Variants in ASTE1 observed in about 807,000 individuals in gnomAD.
The protein encoded by ASTE1 is asteroid structure-specific endonuclease 1, also known as single-strand DNA endonuclease ASTE1.
ASTE1 carries 49 observed loss-of-function variants against 45.8 expected under a neutral mutation model. The observed-to-expected ratio is 1.07, with a 90% CI of 0.85 to 1.36. The LOEUF is 1.36. Among genes scored for constraint, ASTE1 ranks in the 40% most tolerant of loss-of-function variants. The pLI is 0.00. For missense variants in ASTE1, 709 were observed against 804.0 expected (o/e 0.88, Z 1.43); for synonymous variants, 296 against 303.9 (o/e 0.97, Z 0.27).
rs200283943 is a variant in ASTE1 at position 131,016,299 on chromosome 3, A to G, written c.1554T>C (p.Tyr518=). The G allele has an allele frequency of 3.2e-4, 517 of 1,614,088 alleles. 1 individual carries two copies. Among genetic ancestry groups the G allele is most frequent in the Non-Finnish European group, 1.6e-4 (183 of 1,180,048 alleles). ...ELQEDGAKML[Y]AEFQRVKAQT... ...GCGCCTTCACTCTTTGGAACTCTGC[A>G]TACAACATCTTAGCACCATCTTCCT... Residue 518 remains tyrosine, a synonymous_variant, in exon 5 of 6, where the codon TAT becomes TAC. Transcript: ENST00000264992.
intron 3 of ASTE1, among the ~76,000 whole-genome samples, chr3:131,020,335 T>C (rs2063725439): frequency 6.6e-6 from 1 of 152,214 alleles, no homozygotes; most frequent in Non-Finnish European, 1.5e-5. Context: ...GACAACTACT[T>C]TCCCTCTTCC....
At chr3:131,025,370 G>A in intron 2 of ASTE1, 39 bp from the exon 3 acceptor site, 1 of 1,544,048 alleles carries the variant, frequency 6.5e-7, no homozygotes, top group Non-Finnish European at 8.7e-7. Context: ...ATTGATGCTA[G>A]TTATGGGGCA....
chr3:131,025,440 A>C, intron 2 of ASTE1, 34 bp downstream of exon 2: 1 of 1,355,454 alleles, frequency 7.4e-7, no homozygotes, highest in Non-Finnish European at 9.8e-7. Context: ...TGCTCTTTAG[A>C]TAGAACATAG....
rs1163734496 is a variant in ASTE1 at position 131,024,816 on chromosome 3, C to T, written c.491G>A (p.Cys164Tyr). Residue 164 changes from cysteine (C) to tyrosine (Y), a missense_variant, in exon 3 of 6, where the codon TGC becomes TAC. Cys to Tyr is a radical substitution (Grantham distance 194, BLOSUM62 -2). Transcript: ENST00000264992. ...CPVLSSDSDF[C>Y]IFDLKTGFCP... ...AAACCCAGTTTTCAGGTCAAAAATG[C>T]AAAAGTCACTATCTGATGATAACAC... 3 of 1,614,090 alleles carry T rather than the reference C, an allele frequency of 1.9e-6. No homozygotes were observed. Among genetic ancestry groups the T allele is most frequent in the Non-Finnish European group, 2.5e-6 (3 of 1,180,014 alleles).
intron 3 of ASTE1, among the ~76,000 whole-genome samples, chr3:131,021,733 T>C (rs2063744841): frequency 6.6e-6 from 1 of 152,184 alleles, no homozygotes; most frequent in Non-Finnish European, 1.5e-5. Context: ...TATGGATACA[T>C]TGATTATTTT....
chr3:131,018,144 G>A (rs1386853396), intron 4 of ASTE1, among the ~76,000 whole-genome samples: 3 of 152,114 alleles, frequency 2.0e-5, no homozygotes, highest in Non-Finnish European at 4.4e-5. Context: ...TTGTGATGAC[G>A]TTGCTGCTGT....
At position 131,025,103 on chromosome 3, in the gene ASTE1, A is replaced by C; in HGVS notation, c.204T>G (p.Phe68Leu). 1 of 1,614,182 alleles carries C rather than the reference A, an allele frequency of 6.2e-7. No individual in the cohort carries two copies. The highest frequency in any genetic ancestry group is 8.5e-7 in the Non-Finnish European group (1 of 1,180,020). The change falls in exon 3 of 6, where the codon TTT becomes TTG. Residue 68 changes from phenylalanine to leucine, a missense_variant. Coordinates refer to ENST00000264992, the MANE Select transcript of ASTE1 (RefSeq NM_014065.4). ...DVVQKFFESL[F>L]ACNICPYVVL... is the part of the protein sequence containing the mutation. ...CAACATATGGGCATATATTACAAGC[A>C]AACAGTGATTCAAAGAATTTTTGTA... is the stretch of plus-strand genomic sequence containing the variant.
At chr3:131,015,621 A>G (rs528485322) in intron 5 of ASTE1, among the ~76,000 whole-genome samples, 1 of 152,322 alleles carries the variant, frequency 6.6e-6, no homozygotes, top group African/African-American at 2.4e-5. Context: ...AAGCTCCATT[A>G]GAGCTGAGAT....
In ASTE1 at chr3:131,017,070, C is replaced by T. The variant is rs1286691645; in HGVS notation, c.1514-731G>A. Reference sequence around the variant, plus strand: ...ATTTCCTAAAAGAAAAGAAACAGACCCTTGACATGCCCCTTCTCTTGGACT... The same window carrying T: ...ATTTCCTAAAAGAAAAGAAACAGACTCTTGACATGCCCCTTCTCTTGGACT... On this transcript the variant is annotated intron_variant, in intron 4 of 5. Transcript: ENST00000264992. 1.4e-5 allele frequency: 18 copies of T among 1,287,656 alleles called. No individual in the cohort carries two copies. In the Admixed American group the frequency reaches 3.9e-4, roughly 28 times the overall value. 79.8% of individuals were successfully genotyped at this position (1,287,656 alleles called of 1,614,324 possible).
intron 3 of ASTE1, among the ~76,000 whole-genome samples, chr3:131,022,144 G>C (rs1398715724): frequency 1.3e-5 from 2 of 152,096 alleles, no homozygotes; most frequent in African/African-American, 4.8e-5. Flanking sequence ...CATATCTTGG[G>C]GCTTCCCTGA....
rs2063787410 is a variant in ASTE1 at position 131,024,731 on chromosome 3, A to G, written c.576T>C (p.Tyr192=). The G allele has an allele frequency of 6.2e-7, 1 of 1,610,474 alleles. No individual in the cohort carries two copies. The highest frequency in any genetic ancestry group is 1.3e-5 in the African/African-American group (1 of 74,936). ...CAAGGGAAAAGCATTTGGCAGGGAT[A>G]TAGTTTTGTGTGCCCTTAATAGTGT... ...NMNTIKGTQN[Y]IPAKCFSLDA... The change falls in exon 3 of 6, where the codon TAT becomes TAC. Residue 192 remains tyrosine (Y), a synonymous_variant. Transcript: ENST00000264992.
rs542553560 is a variant in ASTE1, at chr3:131,022,799, T to C, written c.1302+1206A>G. Among the ~76,000 whole-genome samples the C allele has an allele frequency of 7.9e-5, 12 of 152,276 alleles. No individual in the cohort carries two copies. The South Asian group carries it at 1.9e-3, about 24-fold the overall frequency. On this transcript the variant is annotated intron_variant, in intron 3 of 5. Transcript: ENST00000264992. ...ATTCACTATGACATTCATCTCCTCC[T>C]GTCTGAGATGTGACTGAAGAGGAGG... is the stretch of plus-strand genomic sequence containing the variant.
chr3:131,015,295 CAG>C (rs938626874), intron 5 of ASTE1: 16 of 690,232 alleles, frequency 2.3e-5, no homozygotes, highest in Non-Finnish European at 3.9e-5. Context: ...CCTCCCCCCA[CAG>C]AGTTTACATC....
At position 131,016,216 on chromosome 3, in the gene ASTE1, T is replaced by G. The variant is rs1408041474; in HGVS notation, c.1637A>C (p.Gln546Pro). The G allele has an allele frequency of 4.3e-6, 7 of 1,614,192 alleles. No individual in the cohort carries two copies. The South Asian group carries it at 7.7e-5, about 18-fold the overall frequency. The change falls in exon 5 of 6, where the codon CAG becomes CCG. Residue 546 changes from glutamine (Q) to proline (P), a missense_variant. Coordinates refer to ENST00000264992, the MANE Select transcript of ASTE1 (RefSeq NM_014065.4). ...ATACATCCCCATCTGGAGACAGGAC[T>G]GCCACTGACAGAAGATGTGAGCTGT... The part of the protein sequence containing the change: ...LDTAHIFCQW[Q>P]SCLQMGMYLN...
At chr3:131,016,554 C>T (rs1023896245) in intron 4 of ASTE1, 11 of 596,702 alleles carry the variant, frequency 1.8e-5, no homozygotes, top group African/African-American at 1.1e-4. Flanking sequence ...TTCAACCCAT[C>T]GGAATTTACT....
rs370299688 is a variant in ASTE1 at position 131,017,118 on chromosome 3, G to A, written c.1514-779C>T. On this transcript the variant is annotated intron_variant, in intron 4 of 5. Coordinates refer to ENST00000264992, the MANE Select transcript of ASTE1 (RefSeq NM_014065.4). ...ACTCAGGTAAAAACTTAATAGGCTT[G>A]TGCTCTGAGAGCTTTCTTATACTGT... 8 of 1,070,552 alleles carry A rather than the reference G, an allele frequency of 7.5e-6. No homozygotes were observed. The African/African-American group carries it at 9.9e-5, about 13-fold the overall frequency. The allele number at this position is 1,070,552 out of a possible 1,614,324, so 66.3% of individuals were successfully genotyped here. A position where few individuals can be genotyped will look rare whatever the true frequency, so the allele number is the denominator to read the frequency against.
rs139936638 is a variant in ASTE1, at chr3:131,023,684, C to A, written c.1302+321G>T. On this transcript the variant is annotated intron_variant, in intron 3 of 5. Coordinates refer to ENST00000264992, the MANE Select transcript of ASTE1 (RefSeq NM_014065.4). ...TTTCCTTTTTTTTTCAGCCACGTAA[C>A]CCATTCTATTGATAGCTAGTATTAA... Among the ~76,000 whole-genome samples, 256 of 151,844 alleles carry A rather than the reference C, an allele frequency of 1.7e-3. 6 individuals are homozygous for A. In the East Asian group the frequency reaches 0.041, roughly 24 times the overall value.
At position 131,024,497 on chromosome 3, in the gene ASTE1, G is replaced by C. The variant is rs751284285; in HGVS notation, c.810C>G (p.Thr270=). The part of the protein sequence containing the change: ...LNWLSHFANP[T]EALDNVLKYL... ...ATTTCAGAACATTATCTAGTGCTTCGGTAGGGTTGGCAAAATGAGACAACC... is the reference window on the plus strand; with the variant it reads ...ATTTCAGAACATTATCTAGTGCTTCCGTAGGGTTGGCAAAATGAGACAACC... The change falls in exon 3 of 6, where the codon ACC becomes ACG. Residue 270 remains threonine (T), a synonymous_variant. Coordinates refer to ENST00000264992, the MANE Select transcript of ASTE1 (RefSeq NM_014065.4). 6.2e-7 allele frequency: 1 copy of C among 1,614,030 alleles called. No homozygotes were observed. Among genetic ancestry groups the C allele is most frequent in the East Asian group, 2.2e-5 (1 of 44,870 alleles).
intron 4 of ASTE1, 28 bp from the exon 5 acceptor site, chr3:131,016,367 T>C (rs773036120): frequency 2.5e-6 from 4 of 1,613,456 alleles, no homozygotes; most frequent in Middle Eastern, 1.7e-4. Flanking sequence ...CCAAGGGCAG[T>C]ATTTCTAAAA....
Sources: gnomAD v4.1 joint callset for allele counts (sites outside exome capture counted in the v4.1 genomes callset) on GRCh38, gnomAD v4.1.1 for gene constraint, MANE v1.5 for transcripts, NCBI Gene and HGNC (gene_info 2026-07-23, HGNC 2026-07-21) for gene names.